The following SCEL variants were observed in gnomAD, a reference collection of about 807,000 sequenced individuals.
The protein encoded by SCEL is sciellin.
SCEL carries 113 observed loss-of-function variants against 117.6 expected under a neutral mutation model. The observed-to-expected ratio is 0.96, with a 90% CI of 0.83 to 1.12. SCEL has a LOEUF of 1.12. Ranked by LOEUF, SCEL falls within the 50% of genes most tolerant of loss-of-function variation. The pLI is 0.00. For synonymous variants in SCEL, 270 were observed against 256.2 expected, an observed-to-expected ratio of 1.05 and a Z score of -0.51; for missense variants, 785 against 810.8, an observed-to-expected ratio of 0.97 and a Z score of 0.39.
intron 5 of SCEL, among the ~76,000 whole-genome samples, chr13:77,565,661 G>A (rs1006968579): frequency 1.3e-5 from 2 of 152,198 alleles, no homozygotes; most frequent in African/African-American, 4.8e-5. Context: ...TCTGGTATGT[G>A]TGCATTTGCA....
At chr13:77,555,998 C>A in intron 2 of SCEL, 80 bp downstream of exon 2, 1 of 1,032,904 alleles carries the variant, frequency 9.7e-7, no homozygotes, top group Non-Finnish European at 1.5e-6. Context: ...TTCTTTAATA[C>A]AGATATTGAA....
At chr13:77,593,977 C>T (rs1051212466) in intron 12 of SCEL, among the ~76,000 whole-genome samples, 1 of 148,518 alleles carries the variant, frequency 6.7e-6, no homozygotes, top group Admixed American at 6.8e-5. Context: ...TTCCTGCAGA[C>T]TCACCTTTCT....
chr13:77,612,270 CT>C (rs2088690981), intron 22 of SCEL, among the ~76,000 whole-genome samples: 1 of 152,038 alleles, frequency 6.6e-6, no homozygotes, highest in African/African-American at 2.4e-5. Context: ...CTATGAATGC[CT>C]ATGTGAGTGT....
At chr13:77,554,366 G>A (rs998952275) in intron 1 of SCEL, among the ~76,000 whole-genome samples, 2 of 152,188 alleles carry the variant, frequency 1.3e-5, no homozygotes, top group East Asian at 1.9e-4. Flanking sequence ...TAGCTGCCAA[G>A]CTTCAGACTG....
At chr13:77,632,540 G>C (rs1025534981) in intron 28 of SCEL, among the ~76,000 whole-genome samples, 1 of 152,146 alleles carries the variant, frequency 6.6e-6, no homozygotes, top group East Asian at 1.9e-4. Flanking sequence ...CTTAAAACCA[G>C]ACGGTTTTCT....
intron 9 of SCEL, among the ~76,000 whole-genome samples, chr13:77,588,938 A>G (rs1176513251): frequency 1.3e-5 from 2 of 152,226 alleles, no homozygotes; most frequent in African/African-American, 4.8e-5. Context: ...ACCTGATTAA[A>G]TAAACTTTAA....
chr13:77,587,376 C>A (rs908279776), intron 9 of SCEL, among the ~76,000 whole-genome samples: 1 of 152,052 alleles, frequency 6.6e-6, no homozygotes, highest in Non-Finnish European at 1.5e-5. Flanking sequence ...TTCACTGGAT[C>A]ATTCCCATCA....
In SCEL at chr13:77,644,563, C is replaced by T. The variant is rs191292921; in HGVS notation, c.*289C>T. 1.7e-3 allele frequency: 463 copies of T among 265,012 alleles called. 2 individuals are homozygous for T. The highest frequency in any genetic ancestry group is 0.012 in the Middle Eastern group (10 of 864). 16.4% of individuals were successfully genotyped at this position (265,012 alleles called of 1,614,324 possible). A position where few individuals can be genotyped will look rare whatever the true frequency, so the allele number is the denominator to read the frequency against. On this transcript the variant is annotated 3_prime_UTR_variant, in exon 33 of 33. Coordinates refer to ENST00000349847, the MANE Select transcript of SCEL (RefSeq NM_144777.3). ...ACTCCAGCCAGGTCCATCCCTGCTCCGTATGTTGGCTGTGAGTGGTGGTTT... is the reference window on the plus strand; with the variant it reads ...ACTCCAGCCAGGTCCATCCCTGCTCTGTATGTTGGCTGTGAGTGGTGGTTT...
chr13:77,579,939 T>C (rs2154398672), intron 9 of SCEL, among the ~76,000 whole-genome samples: 1 of 152,352 alleles, frequency 6.6e-6, no homozygotes, highest in Non-Finnish European at 1.5e-5. Flanking sequence ...AACTATAGGC[T>C]TCCTGTCCAT....
chr13:77,608,850 G>T (rs1324726976), intron 20 of SCEL, among the ~76,000 whole-genome samples: 1 of 151,816 alleles, frequency 6.6e-6, no homozygotes, highest in Non-Finnish European at 1.5e-5. Context: ...TTTATTTTGG[G>T]GGTAAATGAG....
chr13:77,545,529 C>A (rs781350686), intron 1 of SCEL, among the ~76,000 whole-genome samples: 13 of 151,976 alleles, frequency 8.6e-5, no homozygotes, highest in Non-Finnish European at 1.6e-4. Flanking sequence ...AAGAAATATC[C>A]ATGTATATAT....
At position 77,606,847 on chromosome 13, in the gene SCEL, C is replaced by A. The variant is rs530829413; in HGVS notation, c.1158-1209C>A. On this transcript the variant is annotated intron_variant, in intron 19 of 32. Transcript: ENST00000349847. ...GTATGGAGACGCAGTGCAAAAGGGC[C>A]TTCCTGTGGATGTTCTTTTCCCTAT... Among the ~76,000 whole-genome samples, 4 of 152,166 alleles carry A rather than the reference C, an allele frequency of 2.6e-5. No individual in the cohort carries two copies. The South Asian group carries it at 8.3e-4, about 32-fold the overall frequency.
chr13:77,608,423 A>C (rs944485434), intron 20 of SCEL, among the ~76,000 whole-genome samples: 1 of 152,154 alleles, frequency 6.6e-6, no homozygotes, highest in Non-Finnish European at 1.5e-5. Flanking sequence ...AACATAGTGA[A>C]ACCGTGTCTC....
At chr13:77,585,599 A>T in intron 9 of SCEL, among the ~76,000 whole-genome samples, 1 of 152,048 alleles carries the variant, frequency 6.6e-6, no homozygotes, top group East Asian at 1.9e-4. Flanking sequence ...TCCACTATCC[A>T]TCACCCACGG....
chr13:77,636,242 T>A (rs2090272153), intron 29 of SCEL, among the ~76,000 whole-genome samples: 1 of 152,202 alleles, frequency 6.6e-6, no homozygotes. Context: ...ACTCTTCCAG[T>A]CTCAAGTTTC....
Position 77,568,284 on chromosome 13 carries a change from T to C in SCEL, c.360-11T>C, listed in dbSNP as rs780414907. ...CATTGTTCAAACTTTGCTTTCTTTC[T>C]CTCTTACCAGGAGCATGTCCATGTT... On this transcript the variant is annotated splice_polypyrimidine_tract_variant and intron_variant, in intron 6 of 32. Transcript: ENST00000349847. 5 of 1,547,734 alleles carry C rather than the reference T, an allele frequency of 3.2e-6. No homozygotes were observed. The highest frequency in any genetic ancestry group is 4.4e-6 in the Non-Finnish European group (5 of 1,128,384).
chr13:77,574,090 A>G (rs2085799498), intron 9 of SCEL, among the ~76,000 whole-genome samples: 1 of 152,214 alleles, frequency 6.6e-6, no homozygotes, highest in Non-Finnish European at 1.5e-5. Flanking sequence ...AAATAACTTC[A>G]TATTTTTGTC....
At chr13:77,630,984 T>G (rs1031868023) in intron 28 of SCEL, among the ~76,000 whole-genome samples, 3 of 152,216 alleles carry the variant, frequency 2.0e-5, no homozygotes, top group Non-Finnish European at 4.4e-5. Context: ...CCCAAACTTT[T>G]GGGTACATCA....
chr13:77,599,726 C>T lies in SCEL; in HGVS notation c.895C>T (p.Arg299Trp), dbSNP rs764041976. The change falls in exon 15 of 33, where the codon CGG becomes TGG. Residue 299 changes from arginine to tryptophan, a missense_variant. By Grantham distance (101) the Arg-to-Trp change is moderately radical. Coordinates refer to ENST00000349847, the MANE Select transcript of SCEL (RefSeq NM_144777.3). ...TGAAAGTCTCATCTATATGAGTACCCGGACAGATAAAGATGGCAAAGGGTA... is the reference window on the plus strand; with the variant it reads ...TGAAAGTCTCATCTATATGAGTACCTGGACAGATAAAGATGGCAAAGGGTA... ...SLESLIYMST[R>W]TDKDGKGIQS... The T allele has an allele frequency of 1.8e-5, 29 of 1,611,322 alleles. No individual in the cohort carries two copies. The highest frequency in any genetic ancestry group is 8.0e-5 in the African/African-American group (6 of 74,838).
Sources: gnomAD v4.1 joint callset for allele counts (sites outside exome capture counted in the v4.1 genomes callset) on GRCh38, gnomAD v4.1.1 for gene constraint, MANE v1.5 for transcripts, NCBI Gene and HGNC (gene_info 2026-07-23, HGNC 2026-07-21) for gene names.